Variants in PLA2R1 observed in about 807,000 individuals in gnomAD.
PLA2R1 encodes the protein phospholipase A2 receptor 1, also known as secretory phospholipase A2 receptor.
A neutral mutation model predicts 195.9 loss-of-function variants in PLA2R1; 158 were observed. The observed-to-expected ratio is 0.81, with a 90% confidence interval of 0.71 to 0.92. The LOEUF (loss-of-function observed/expected upper bound fraction) is 0.92, where lower values mean the gene tolerates loss of function less well. Among genes scored for constraint, PLA2R1 ranks in the 40% least tolerant of loss-of-function variants. The probability of loss-of-function intolerance (pLI) is 0.00; values close to 1 mark genes in which losing one functional copy is unlikely to be tolerated. For missense variants in PLA2R1, 1,626 were observed against 1,764.6 expected (o/e 0.92, Z 1.41); for synonymous variants, 586 against 598.2 (o/e 0.98, Z 0.30).
intron 11 of PLA2R1, among the ~76,000 whole-genome samples, chr2:160,004,583 G>A (rs1397711): frequency 0.25 from 38,452 of 152,156 alleles, 5,512 homozygotes; most frequent in Admixed American, 0.41. Flanking sequence ...CGGGCCTTCA[G>A]GGAGGGAAGA....
chr2:160,030,168 T>A (rs1693769947), intron 4 of PLA2R1, among the ~76,000 whole-genome samples: 2 of 152,208 alleles, frequency 1.3e-5, no homozygotes, highest in African/African-American at 4.8e-5. Context: ...GATATTTCAA[T>A]ACAATTGTGA....
chr2:160,024,729 C>T (rs1055258806), intron 6 of PLA2R1, among the ~76,000 whole-genome samples: 3 of 152,164 alleles, frequency 2.0e-5, no homozygotes, highest in African/African-American at 4.8e-5. Context: ...ACAGCATTGG[C>T]AAGGCTGGGA....
At chr2:160,054,610 T>C (rs1471742077) in intron 1 of PLA2R1, among the ~76,000 whole-genome samples, 1 of 152,252 alleles carries the variant, frequency 6.6e-6, no homozygotes, top group Non-Finnish European at 1.5e-5. Flanking sequence ...CAAGTGGCTA[T>C]GACTTTTCTG....
At chr2:159,987,065 A>C in intron 12 of PLA2R1, 91 bp downstream of exon 12, 2 of 973,284 alleles carry the variant, frequency 2.1e-6, no homozygotes, top group South Asian at 2.9e-5. Flanking sequence ...TGGAAAAAAA[A>C]AGGGCCCCGG....
intron 12 of PLA2R1, among the ~76,000 whole-genome samples, chr2:159,986,130 G>A (rs1012510332): frequency 2.0e-5 from 3 of 152,012 alleles, no homozygotes; most frequent in Admixed American, 2.0e-4. Context: ...GCTTCTTGCT[G>A]CCTATCTGTG....
At chr2:160,059,394 G>A (rs1260162916) in intron 1 of PLA2R1, among the ~76,000 whole-genome samples, 1 of 152,198 alleles carries the variant, frequency 6.6e-6, no homozygotes, top group African/African-American at 2.4e-5. Flanking sequence ...CTGTCAAAAT[G>A]TCTGGATTGG....
At chr2:160,031,596 G>A (rs1163502958) in intron 4 of PLA2R1, among the ~76,000 whole-genome samples, 2 of 152,238 alleles carry the variant, frequency 1.3e-5, no homozygotes, top group East Asian at 3.9e-4. Flanking sequence ...GGAAATTGAG[G>A]CACAGAGCGG....
At chr2:160,032,937 T>C (rs368499253) in intron 4 of PLA2R1, 22 bp downstream of exon 4, 1 of 1,504,088 alleles carries the variant, frequency 6.6e-7, no homozygotes, top group African/African-American at 1.4e-5. Flanking sequence ...TCAATATCAA[T>C]GTGCGTCATC....
chr2:159,967,719 G>A, intron 19 of PLA2R1, 41 bp from the exon 20 acceptor site: 1 of 1,577,620 alleles, frequency 6.3e-7, no homozygotes, highest in Non-Finnish European at 8.6e-7. Context: ...AGGAACAATG[G>A]CGATTCTTTG....
At chr2:159,924,601 A>T in the PLA2R1 span, among the ~76,000 whole-genome samples, 23 of 152,072 alleles carry the variant, frequency 1.5e-4, no homozygotes, top group Admixed American at 6.6e-5. Context: ...GTAATGGACC[A>T]GCCAGAATCT....
chr2:160,061,362 G>A (rs986519277), intron 1 of PLA2R1, among the ~76,000 whole-genome samples: 1 of 152,176 alleles, frequency 6.6e-6, no homozygotes, highest in African/African-American at 2.4e-5. Flanking sequence ...ATGTGTAGTA[G>A]GTGCTCAATA....
Position 160,044,809 on chromosome 2 carries a change from G to C in PLA2R1, c.458C>G (p.Ser153Ter). 1 of 1,612,424 alleles carries C rather than the reference G, an allele frequency of 6.2e-7. No individual in the cohort carries two copies. The highest frequency in any genetic ancestry group is 8.5e-7 in the Non-Finnish European group (1 of 1,178,772). ...ATATTCACAAATGTCTCCACCACCT[G>C]ACCCATAAGAAATCCACTTATGAAT... ...KYIHKWISYG[S>*]GGGDICEYLH... Residue 153 changes from serine to a stop codon, truncating the protein, a stop_gained, in exon 2 of 30, where the codon TCA becomes TGA. Coordinates refer to ENST00000283243, the MANE Select transcript of PLA2R1 (RefSeq NM_007366.5). LOFTEE classifies it high-confidence loss of function.
intron 17 of PLA2R1, among the ~76,000 whole-genome samples, chr2:159,970,973 G>A (rs1450056634): frequency 6.6e-6 from 1 of 151,390 alleles, no homozygotes; most frequent in East Asian, 1.9e-4. Flanking sequence ...GCTGGGGGAG[G>A]GATAGCATTA....
intron 11 of PLA2R1, among the ~76,000 whole-genome samples, chr2:159,993,825 T>TA (rs1249842412): frequency 6.6e-6 from 1 of 151,982 alleles, no homozygotes; most frequent in African/African-American, 2.4e-5. Flanking sequence ...ATAGTAATGC[T>TA]AAAAAAAGAA....
chr2:160,015,101 T>C lies in PLA2R1; in HGVS notation c.1551+1513A>G, dbSNP rs187243372. 3.0e-3 allele frequency among the ~76,000 whole-genome samples: 462 copies of C among 152,280 alleles called. 1 individual carries two copies. Among genetic ancestry groups the C allele is most frequent in the Non-Finnish European group, 4.6e-3 (316 of 68,030 alleles). ...ACAGACTTGTTACTTCAAGACTTTG[T>C]CCACACAATGAATACGGGAAGGATA... On this transcript the variant is annotated intron_variant, in intron 9 of 29. Transcript: ENST00000283243.
intron 11 of PLA2R1, among the ~76,000 whole-genome samples, chr2:159,992,293 C>T (rs1690869974): frequency 6.7e-6 from 1 of 148,930 alleles, no homozygotes. Context: ...ATGTCCTTCA[C>T]CCACTAAGCA....
rs1447516363 is a variant in PLA2R1, at chr2:159,938,518, T to G, written c.*3260A>C. On this transcript the variant is annotated 3_prime_UTR_variant, in exon 30 of 30. Transcript: ENST00000283243. ...GTAGCCAAGAACTGCAGTGTTCGGA[T>G]AGGGAATTCAACAGGAGACACAGCC... 5.9e-5 allele frequency: 9 copies of G among 152,264 alleles called. No homozygotes were observed. 9.4% of individuals were successfully genotyped at this position (152,264 alleles called of 1,614,324 possible). A position where few individuals can be genotyped will look rare whatever the true frequency, so the allele number is the denominator to read the frequency against.
chr2:159,963,304 G>T (rs754395950), intron 20 of PLA2R1, among the ~76,000 whole-genome samples: 1 of 152,078 alleles, frequency 6.6e-6, no homozygotes, highest in East Asian at 1.9e-4. Context: ...AACACACAGG[G>T]GCAAATCTTC....
intron 11 of PLA2R1, among the ~76,000 whole-genome samples, chr2:160,002,517 C>T (rs1247944036): frequency 6.6e-6 from 1 of 151,904 alleles, no homozygotes; most frequent in Non-Finnish European, 1.5e-5. Flanking sequence ...GAAATGTGGA[C>T]TAGTTTTCCC....
Sources: allele counts gnomAD v4.1 joint callset (sites outside exome capture counted in the v4.1 genomes callset), GRCh38; gene constraint gnomAD v4.1.1; transcripts MANE v1.5; gene names NCBI Gene and HGNC (gene_info 2026-07-23, HGNC 2026-07-21).